The following MARCHF1 variants were observed in gnomAD, a reference collection of about 807,000 sequenced individuals.
MARCHF1 encodes the protein E3 ubiquitin-protein ligase MARCHF1.
Under a neutral mutation model 54.2 loss-of-function variants are expected in MARCHF1, and 40 were observed. The ratio of observed to expected loss-of-function variants is 0.74; its 90% CI spans 0.57 to 0.96. MARCHF1 has a LOEUF of 0.96. Among genes scored for constraint, MARCHF1 ranks in the 40% least tolerant of loss-of-function variants. The pLI is 0.00. For synonymous variants in MARCHF1, 236 were observed against 236.3 expected (o/e 1.00, Z 0.01); for missense variants, 586 against 656.5 (o/e 0.89, Z 1.17).
At chr4:164,138,513 G>C (rs1451598136) in intron 1 of MARCHF1, among the ~76,000 whole-genome samples, 1 of 152,178 alleles carries the variant, frequency 6.6e-6, no homozygotes, top group Non-Finnish European at 1.5e-5. Flanking sequence ...TGTTCTTGGA[G>C]GACTTGCATT....
At chr4:164,265,028 T>C (rs1733571569) in intron 1 of MARCHF1, among the ~76,000 whole-genome samples, 1 of 152,142 alleles carries the variant, frequency 6.6e-6, no homozygotes, top group Non-Finnish European at 1.5e-5. Flanking sequence ...TTCCTAATTG[T>C]AATAGCTTTG....
intron 3 of MARCHF1, among the ~76,000 whole-genome samples, chr4:163,886,085 T>A (rs1750525147): frequency 6.7e-6 from 1 of 149,042 alleles, no homozygotes; most frequent in African/African-American, 2.5e-5. Flanking sequence ...TATATATATT[T>A]TAATGTATAT....
chr4:164,092,788 T>G (rs1388744753), intron 2 of MARCHF1, among the ~76,000 whole-genome samples: 1 of 152,164 alleles, frequency 6.6e-6, no homozygotes, highest in Non-Finnish European at 1.5e-5. Flanking sequence ...AGAAGAAAGT[T>G]ACGTTGACTG....
intron 1 of MARCHF1, among the ~76,000 whole-genome samples, chr4:164,184,386 A>G (rs949192333): frequency 1.3e-5 from 2 of 152,152 alleles, no homozygotes; most frequent in Non-Finnish European, 2.9e-5. Context: ...CATATCACCT[A>G]TTTGGTGAAT....
intron 5 of MARCHF1, among the ~76,000 whole-genome samples, chr4:163,615,000 G>A (rs1281952389): frequency 1.3e-5 from 2 of 152,050 alleles, no homozygotes; most frequent in Admixed American, 1.3e-4. Context: ...TTTCCAGAAG[G>A]AATTCAGCCC....
At chr4:164,223,227 T>C (rs1579636599) in intron 1 of MARCHF1, among the ~76,000 whole-genome samples, 1 of 152,038 alleles carries the variant, frequency 6.6e-6, no homozygotes, top group African/African-American at 2.4e-5. Context: ...AAACTTCAAA[T>C]GAAATGTTGT....
chr4:163,887,516 T>G (rs1475850242), intron 3 of MARCHF1, among the ~76,000 whole-genome samples: 2 of 152,254 alleles, frequency 1.3e-5, no homozygotes, highest in Middle Eastern at 3.4e-3. Context: ...AGACGTAGAC[T>G]TTCAGATCCT....
chr4:164,023,554 G>A (rs1259082181), intron 2 of MARCHF1, among the ~76,000 whole-genome samples: 1 of 152,054 alleles, frequency 6.6e-6, no homozygotes, highest in Non-Finnish European at 1.5e-5. Flanking sequence ...CAGAGGGCTG[G>A]CCCTCTGAAA....
chr4:163,574,278 G>A (rs1435795928), intron 8 of MARCHF1, among the ~76,000 whole-genome samples: 1 of 152,134 alleles, frequency 6.6e-6, no homozygotes, highest in Non-Finnish European at 1.5e-5. Flanking sequence ...TGTTCACTCT[G>A]ATGGTAGTTT....
chr4:163,799,303 T>G (rs1283363157), intron 4 of MARCHF1, among the ~76,000 whole-genome samples: 2 of 152,098 alleles, frequency 1.3e-5, no homozygotes, highest in African/African-American at 4.8e-5. Flanking sequence ...AATAATTTCT[T>G]ACAATTCTGG....
chr4:163,697,153 C>T (rs147429837), intron 5 of MARCHF1, among the ~76,000 whole-genome samples: 34 of 152,124 alleles, frequency 2.2e-4, no homozygotes, highest in African/African-American at 7.7e-4. Context: ...AGTGTTGCCA[C>T]CAGGGGAGCT....
intron 3 of MARCHF1, among the ~76,000 whole-genome samples, chr4:163,970,210 G>A (rs1355316394): frequency 2.0e-5 from 3 of 152,178 alleles, no homozygotes; most frequent in African/African-American, 7.2e-5. Flanking sequence ...TAGTCAACTA[G>A]TTTGAAAAGT....
At chr4:163,972,928 G>C (rs891077868) in intron 3 of MARCHF1, among the ~76,000 whole-genome samples, 1 of 152,106 alleles carries the variant, frequency 6.6e-6, no homozygotes, top group Non-Finnish European at 1.5e-5. Context: ...ATAAGAATTA[G>C]TTACTAACAG....
chr4:163,868,314 A>T (rs1046674703), intron 3 of MARCHF1, among the ~76,000 whole-genome samples: 1 of 152,102 alleles, frequency 6.6e-6, no homozygotes, highest in East Asian at 1.9e-4. Context: ...TGAAAAATAC[A>T]TAAGAATACT....
At chr4:164,209,006 T>C (rs1314365641) in intron 1 of MARCHF1, among the ~76,000 whole-genome samples, 2 of 150,254 alleles carry the variant, frequency 1.3e-5, no homozygotes, top group Admixed American at 6.7e-5. Flanking sequence ...ATAATATATA[T>C]ACACACATAC....
At chr4:164,055,839 A>G (rs1220837960) in intron 2 of MARCHF1, among the ~76,000 whole-genome samples, 2 of 152,166 alleles carry the variant, frequency 1.3e-5, no homozygotes, top group African/African-American at 4.8e-5. Flanking sequence ...CTCATAAAAA[A>G]GTACCTGAGA....
chr4:163,874,857 T>A (rs889499555), intron 3 of MARCHF1, among the ~76,000 whole-genome samples: 1 of 152,206 alleles, frequency 6.6e-6, no homozygotes, highest in Non-Finnish European at 1.5e-5. Flanking sequence ...TGGACTTTAC[T>A]TACTTGCCTT....
At chr4:163,530,046 A>G (rs1560924982) in intron 9 of MARCHF1, 1 of 151,932 alleles carries the variant, frequency 6.6e-6, no homozygotes, top group African/African-American at 2.4e-5. Context: ...TTGACTTTGG[A>G]TTTTTATTTA....
chr4:164,331,516 A>T (rs1252311414), intron 1 of MARCHF1, among the ~76,000 whole-genome samples: 2 of 152,214 alleles, frequency 1.3e-5, no homozygotes, highest in Admixed American at 6.5e-5. Context: ...GCATATATGC[A>T]TGTACATTTT....
Sources: allele counts gnomAD v4.1 joint callset (sites outside exome capture counted in the v4.1 genomes callset), GRCh38; gene constraint gnomAD v4.1.1; transcripts MANE v1.5; gene names NCBI Gene and HGNC (gene_info 2026-07-23, HGNC 2026-07-21).